MALRD1: variants seen among roughly 807,000 people sequenced by gnomAD.
MALRD1 encodes MAM and LDL receptor class A domain containing 1, also known as MAM and LDL-receptor class A domain-containing protein 1.
MALRD1 carries 247 observed loss-of-function variants against 242.1 expected under a neutral mutation model. The ratio of observed to expected loss-of-function variants is 1.02; its 90% CI spans 0.92 to 1.13. MALRD1 has a LOEUF of 1.13. MALRD1 is among the 50% of genes most tolerant of loss of function. MALRD1 has a pLI of 0.00. For missense variants in MALRD1, 2,989 were observed against 2,533.1 expected (o/e 1.18, Z -3.86); for synonymous variants, 995 against 866.6 (o/e 1.15, Z -2.60).
chr10:19,732,989 C>T (rs1272127520), intron 39 of MALRD1, among the ~76,000 whole-genome samples: 7 of 152,198 alleles, frequency 4.6e-5, no homozygotes, highest in African/African-American at 1.7e-4. Context: ...AATCCTGGCA[C>T]ATCTCCTGAC....
intron 31 of MALRD1, among the ~76,000 whole-genome samples, chr10:19,507,837 C>T (rs561898693): frequency 3.5e-4 from 53 of 151,764 alleles, no homozygotes; most frequent in Non-Finnish European, 5.6e-4. Context: ...GTGGGTGACA[C>T]AAAAGTAAAA....
intron 38 of MALRD1, among the ~76,000 whole-genome samples, chr10:19,695,168 A>G (rs1036664444): frequency 6.6e-6 from 1 of 152,172 alleles, no homozygotes; most frequent in Non-Finnish European, 1.5e-5. Flanking sequence ...GCATGTATAC[A>G]TATGTAAAAA....
At chr10:19,274,563 A>G (rs116416669) in intron 19 of MALRD1, among the ~76,000 whole-genome samples, 2,385 of 152,214 alleles carry the variant, frequency 0.016, 65 homozygotes, top group African/African-American at 0.054. Flanking sequence ...GCCAGACACC[A>G]CTTCTGCTGG....
intron 29 of MALRD1, among the ~76,000 whole-genome samples, chr10:19,480,898 A>G (rs183644216): frequency 6.6e-6 from 1 of 152,246 alleles, no homozygotes; most frequent in East Asian, 1.9e-4. Context: ...GGCATAACCT[A>G]GGGTTCAGCA....
intron 36 of MALRD1, among the ~76,000 whole-genome samples, chr10:19,645,542 G>A (rs993239736): frequency 1.1e-3 from 165 of 152,274 alleles, no homozygotes; most frequent in African/African-American, 3.7e-3. Flanking sequence ...GGAATACTAT[G>A]CAGCCATAAA....
upstream of MALRD1, among the ~76,000 whole-genome samples, chr10:19,047,533 A>G (rs918258650): frequency 6.6e-6 from 1 of 152,158 alleles, no homozygotes; most frequent in Non-Finnish European, 1.5e-5. Context: ...GAGAACTTAA[A>G]ATGGAACTAT....
At chr10:19,332,712 C>G (rs983989226) in intron 24 of MALRD1, among the ~76,000 whole-genome samples, 31 of 152,178 alleles carry the variant, frequency 2.0e-4, no homozygotes, top group African/African-American at 7.2e-4. Context: ...ATGTTCAAAG[C>G]CTTTTTATTT....
intron 10 of MALRD1, among the ~76,000 whole-genome samples, chr10:19,144,590 A>G (rs1279972015): frequency 1.3e-5 from 2 of 152,212 alleles, no homozygotes; most frequent in Admixed American, 1.3e-4. Flanking sequence ...TGCTGGTTAA[A>G]TTGGCCGTAT....
chr10:19,113,096 G>A (rs1342434185), intron 5 of MALRD1, among the ~76,000 whole-genome samples: 1 of 151,582 alleles, frequency 6.6e-6, no homozygotes, highest in Non-Finnish European at 1.5e-5. Context: ...TCCCCTATGG[G>A]ATATTTTTTT....
At chr10:19,726,118 C>CA (rs543590605) in intron 38 of MALRD1, among the ~76,000 whole-genome samples, 24 of 152,044 alleles carry the variant, frequency 1.6e-4, no homozygotes, top group Non-Finnish European at 5.9e-5. Flanking sequence ...TTATCAAAAT[C>CA]AAAAACTTTT....
At chr10:19,187,535 C>A (rs778235906) in intron 14 of MALRD1, among the ~76,000 whole-genome samples, 9 of 151,948 alleles carry the variant, frequency 5.9e-5, no homozygotes, top group Non-Finnish European at 1.3e-4. Flanking sequence ...AGCAAGGGGA[C>A]CAATGTGGCT....
At chr10:19,456,168 T>C (rs965524329) in intron 29 of MALRD1, among the ~76,000 whole-genome samples, 2 of 152,140 alleles carry the variant, frequency 1.3e-5, no homozygotes, top group Non-Finnish European at 2.9e-5. Flanking sequence ...AATCTTTCCC[T>C]ACATTCATAC....
At chr10:19,511,168 A>G (rs769368421) in intron 31 of MALRD1, among the ~76,000 whole-genome samples, 1 of 152,214 alleles carries the variant, frequency 6.6e-6, no homozygotes, top group Non-Finnish European at 1.5e-5. Flanking sequence ...TACAGCTAGA[A>G]AAAATCTTAT....
chr10:19,200,806 A>G (rs1209176393), intron 14 of MALRD1, among the ~76,000 whole-genome samples: 3 of 152,074 alleles, frequency 2.0e-5, no homozygotes. Context: ...TGATATTTAC[A>G]TAATTAATAG....
chr10:19,586,176 C>G (rs560525044), intron 33 of MALRD1, among the ~76,000 whole-genome samples: 5 of 152,094 alleles, frequency 3.3e-5, no homozygotes, highest in Admixed American at 3.3e-4. Context: ...TGTGAATGTC[C>G]TCCCATAGCT....
At position 19,541,322 on chromosome 10, in the gene MALRD1, A is replaced by T. The variant is rs1005251033; in HGVS notation, c.5478+9971A>T. ...ACATATGCAATTATCCCCATGCATA[A>T]AACGTAGGGAGATGTGTGTAGAAGT... On this transcript the variant is annotated intron_variant, in intron 32 of 39. Coordinates refer to ENST00000454679, the MANE Select transcript of MALRD1 (RefSeq NM_001142308.3). 2.6e-5 allele frequency among the ~76,000 whole-genome samples: 4 copies of T among 152,308 alleles called. No homozygotes were observed. The South Asian group carries it at 8.3e-4, about 32-fold the overall frequency.
chr10:19,595,503 T>C, intron 34 of MALRD1, 46 bp downstream of exon 34: 1 of 1,511,648 alleles, frequency 6.6e-7, no homozygotes, highest in Non-Finnish European at 8.9e-7. Flanking sequence ...GGCATGCTGC[T>C]TTAAAATGAG....
At chr10:19,224,190 C>T (rs537582865) in intron 18 of MALRD1, among the ~76,000 whole-genome samples, 2 of 152,230 alleles carry the variant, frequency 1.3e-5, no homozygotes, top group South Asian at 2.1e-4. Context: ...CCTATTTCTC[C>T]ACATCCTCTC....
At chr10:19,408,279 A>C (rs1282644211) in intron 28 of MALRD1, among the ~76,000 whole-genome samples, 1 of 152,170 alleles carries the variant, frequency 6.6e-6, no homozygotes, top group Non-Finnish European at 1.5e-5. Flanking sequence ...CGACAGGTGC[A>C]TCTGTAGGTG....
Sources: gnomAD v4.1 joint callset for allele counts (sites outside exome capture counted in the v4.1 genomes callset) on GRCh38, gnomAD v4.1.1 for gene constraint, MANE v1.5 for transcripts, NCBI Gene and HGNC (gene_info 2026-07-23, HGNC 2026-07-21) for gene names.